Variants in SPOCK3 observed in about 807,000 individuals in gnomAD.
SPOCK3 encodes the protein testican-3.
A neutral mutation model predicts 56.6 loss-of-function variants in SPOCK3; 30 were observed. That is an observed-to-expected ratio of 0.53 (90% CI 0.40 to 0.72). The LOEUF (loss-of-function observed/expected upper bound fraction) is 0.72. Among genes scored for constraint, SPOCK3 ranks in the 30% least tolerant of loss-of-function variants. SPOCK3 has a pLI of 0.00. For missense variants in SPOCK3, 527 were observed against 530.0 expected, an observed-to-expected ratio of 0.99 and a Z score of 0.06; for synonymous variants, 196 against 183.3, an observed-to-expected ratio of 1.07 and a Z score of -0.56.
At chr4:167,140,601 T>G (rs1763452106) in intron 2 of SPOCK3, among the ~76,000 whole-genome samples, 1 of 151,996 alleles carries the variant, frequency 6.6e-6, no homozygotes, top group African/African-American at 2.4e-5. Context: ...AGACTAAAAG[T>G]TGTCACCACA....
intron 2 of SPOCK3, among the ~76,000 whole-genome samples, chr4:167,114,964 G>T (rs1761206648): frequency 6.6e-6 from 1 of 151,942 alleles, no homozygotes; most frequent in Admixed American, 6.6e-5. Flanking sequence ...AAAATTATGA[G>T]ATACTATGTT....
chr4:166,749,807 T>C (rs1736141817), intron 8 of SPOCK3, among the ~76,000 whole-genome samples: 1 of 152,108 alleles, frequency 6.6e-6, no homozygotes, highest in Admixed American at 6.6e-5. Context: ...GGAATCATAT[T>C]GTATAGTTTT....
chr4:166,850,780 C>T (rs1442720293), intron 6 of SPOCK3, among the ~76,000 whole-genome samples: 1 of 152,232 alleles, frequency 6.6e-6, no homozygotes, highest in Admixed American at 6.5e-5. Context: ...AACGGTGCAA[C>T]AGGAGATTAT....
chr4:166,907,229 G>T (rs566443508), intron 5 of SPOCK3, among the ~76,000 whole-genome samples: 1 of 152,154 alleles, frequency 6.6e-6, no homozygotes, highest in South Asian at 2.1e-4. Context: ...CCTACAGATA[G>T]ACCACTGGCA....
rs539723629 is a variant in SPOCK3, at chr4:166,819,081, AT to A, written c.590-26793del. On this transcript the variant is annotated intron_variant, in intron 6 of 10. Transcript: ENST00000357545. ...CAAATCCTTGCTTACCCTTGTCATT[AT>A]TTTTAAATTGCACATATTAAGGAAA... Among the ~76,000 whole-genome samples, 23 of 152,178 alleles carry A rather than the reference AT, an allele frequency of 1.5e-4. No individual in the cohort carries two copies. In the South Asian group the frequency reaches 4.8e-3, roughly 32 times the overall value.
intron 4 of SPOCK3, among the ~76,000 whole-genome samples, chr4:166,980,115 C>A (rs1387959099): frequency 6.6e-6 from 1 of 152,216 alleles, no homozygotes; most frequent in African/African-American, 2.4e-5. Context: ...ATTTGGATAT[C>A]ATACCAACTT....
chr4:166,993,194 G>T (rs1292800937), intron 4 of SPOCK3, among the ~76,000 whole-genome samples: 1 of 152,150 alleles, frequency 6.6e-6, no homozygotes, highest in Non-Finnish European at 1.5e-5. Flanking sequence ...TCAAATGCAA[G>T]GAGGGTTCCT....
intron 2 of SPOCK3, among the ~76,000 whole-genome samples, chr4:167,139,170 C>T (rs1462806142): frequency 5.3e-5 from 8 of 151,872 alleles, no homozygotes; most frequent in East Asian, 3.9e-4. Flanking sequence ...TTCATTTAGT[C>T]GGTGATCCAT....
At chr4:166,897,929 C>G (rs952682589) in intron 5 of SPOCK3, among the ~76,000 whole-genome samples, 7 of 152,122 alleles carry the variant, frequency 4.6e-5, no homozygotes, top group African/African-American at 1.4e-4. Flanking sequence ...ATGGCTTATG[C>G]CTGTAATCCC....
At chr4:166,974,803 T>C (rs996271327) in intron 4 of SPOCK3, among the ~76,000 whole-genome samples, 1 of 152,240 alleles carries the variant, frequency 6.6e-6, no homozygotes, top group Non-Finnish European at 1.5e-5. Flanking sequence ...TTTGTTATTA[T>C]CATTCAGTTA....
chr4:166,883,282 G>A (rs933963044), intron 6 of SPOCK3: 3 of 151,990 alleles, frequency 2.0e-5, no homozygotes, highest in African/African-American at 7.2e-5. Context: ...AATGAATAAT[G>A]GAAAAAATGA....
chr4:166,776,405 C>A (rs533427293), intron 7 of SPOCK3, among the ~76,000 whole-genome samples: 7 of 151,768 alleles, frequency 4.6e-5, no homozygotes, highest in Non-Finnish European at 1.0e-4. Flanking sequence ...GAGTGAGACT[C>A]CATCTCAAAA....
intron 2 of SPOCK3, among the ~76,000 whole-genome samples, chr4:167,111,350 G>A (rs1429882797): frequency 6.6e-6 from 1 of 151,964 alleles, no homozygotes; most frequent in Non-Finnish European, 1.5e-5. Flanking sequence ...AATTTGAACA[G>A]TCACAGTGAT....
At chr4:166,898,737 T>C (rs965972308) in intron 5 of SPOCK3, among the ~76,000 whole-genome samples, 29 of 152,216 alleles carry the variant, frequency 1.9e-4, no homozygotes, top group Admixed American at 1.0e-3. Context: ...AGAAGTTTTC[T>C]TGTGGGAGAT....
At chr4:167,107,071 A>C (rs1372760588) in intron 2 of SPOCK3, among the ~76,000 whole-genome samples, 1 of 151,872 alleles carries the variant, frequency 6.6e-6, no homozygotes, top group African/African-American at 2.4e-5. Flanking sequence ...AATTCTGCCA[A>C]AGATTTAAAG....
At chr4:167,174,422 T>C (rs777014577) in intron 2 of SPOCK3, among the ~76,000 whole-genome samples, 2 of 142,230 alleles carry the variant, frequency 1.4e-5, no homozygotes, top group Non-Finnish European at 3.0e-5. Flanking sequence ...CTACAGATTA[T>C]ACTCTAAAAT....
At chr4:166,932,874 T>C (rs1411209421) in intron 4 of SPOCK3, among the ~76,000 whole-genome samples, 2 of 152,130 alleles carry the variant, frequency 1.3e-5, no homozygotes, top group Non-Finnish European at 2.9e-5. Context: ...ATCTAATTGA[T>C]AGGGGAAAGA....
At chr4:166,845,162 C>T (rs966357599) in intron 6 of SPOCK3, among the ~76,000 whole-genome samples, 3 of 152,140 alleles carry the variant, frequency 2.0e-5, no homozygotes, top group Non-Finnish European at 4.4e-5. Context: ...ATTTATGAAT[C>T]TTTGTGATAT....
chr4:167,133,913 G>C lies in SPOCK3; in HGVS notation c.190-71376C>G, dbSNP rs1762889614. On this transcript the variant is annotated intron_variant, in intron 2 of 10. Coordinates refer to ENST00000357545, the MANE Select transcript of SPOCK3 (RefSeq NM_001040159.2). ...TAATAAATTTCAAACAGAATCTGTT[G>C]TTCTTCAAAATAAGCACAGTCAACT... 2.0e-5 allele frequency among the ~76,000 whole-genome samples: 3 copies of C among 150,950 alleles called. No homozygotes were observed. In the South Asian group the frequency reaches 6.3e-4, roughly 32 times the overall value.
Sources: gnomAD v4.1 joint callset for allele counts (sites outside exome capture counted in the v4.1 genomes callset) on GRCh38, gnomAD v4.1.1 for gene constraint, MANE v1.5 for transcripts, NCBI Gene and HGNC (gene_info 2026-07-23, HGNC 2026-07-21) for gene names.